Variants in TENM4 observed in about 807,000 individuals in gnomAD.
TENM4 encodes teneurin transmembrane protein 4.
TENM4 carries 82 observed loss-of-function variants against 243.3 expected under a neutral mutation model. The observed-to-expected ratio is 0.34, with a 90% CI of 0.28 to 0.40. TENM4 has a LOEUF of 0.40. Ranked by LOEUF, TENM4 falls within the 10% of genes least tolerant of loss-of-function variation. The probability of loss-of-function intolerance (pLI) is 1.00; values close to 1 mark genes in which losing one functional copy is unlikely to be tolerated. For missense variants in TENM4, 3,138 were observed against 3,673.3 expected, an observed-to-expected ratio of 0.85 and a Z score of 3.77; for synonymous variants, 1,412 against 1,456.3, an observed-to-expected ratio of 0.97 and a Z score of 0.69.
At chr11:79,059,355 A>G (rs1462218249) in intron 6 of TENM4, among the ~76,000 whole-genome samples, 5 of 152,178 alleles carry the variant, frequency 3.3e-5, no homozygotes, top group Non-Finnish European at 5.9e-5. Context: ...AAATCCTACT[A>G]GGCTTTCAAG....
At chr11:79,117,853 A>G (rs1378824492) in intron 4 of TENM4, among the ~76,000 whole-genome samples, 3 of 152,148 alleles carry the variant, frequency 2.0e-5, no homozygotes, top group African/African-American at 7.2e-5. Flanking sequence ...GAATGGAATA[A>G]CTCCTAATTA....
chr11:78,812,521 A>G (rs1469425685), intron 13 of TENM4, among the ~76,000 whole-genome samples: 1 of 152,218 alleles, frequency 6.6e-6, no homozygotes, highest in Non-Finnish European at 1.5e-5. Flanking sequence ...GATAGTGCAC[A>G]GTGCAGGGCC....
At chr11:78,717,724 T>C (rs1859554762) in intron 25 of TENM4, among the ~76,000 whole-genome samples, 1 of 152,252 alleles carries the variant, frequency 6.6e-6, no homozygotes, top group African/African-American at 2.4e-5. Flanking sequence ...GTGGAAACAC[T>C]AAGTATGTCA....
intron 6 of TENM4, among the ~76,000 whole-genome samples, chr11:78,935,453 T>C (rs192081067): frequency 8.5e-4 from 130 of 152,366 alleles, no homozygotes; most frequent in African/African-American, 3.1e-3. Context: ...AGATAGGTTA[T>C]TGTACTCTGC....
chr11:79,279,664 C>T (rs959430457), intron 2 of TENM4, among the ~76,000 whole-genome samples: 1 of 152,176 alleles, frequency 6.6e-6, no homozygotes, highest in African/African-American at 2.4e-5. Flanking sequence ...ATTCCTGTTC[C>T]ACTGAGCCTC....
intron 1 of TENM4, among the ~76,000 whole-genome samples, chr11:79,380,055 G>A (rs996536361): frequency 1.3e-5 from 2 of 152,156 alleles, no homozygotes; most frequent in Admixed American, 1.3e-4. Flanking sequence ...GGCTGGTGGG[G>A]CAGAGAGAAG....
At chr11:79,094,455 G>A (rs1023610572) in intron 4 of TENM4, among the ~76,000 whole-genome samples, 1 of 152,128 alleles carries the variant, frequency 6.6e-6, no homozygotes, top group Non-Finnish European at 1.5e-5. Context: ...ATCTGACTCC[G>A]AGCCCATATT....
At chr11:79,099,269 C>CA (rs1470112690) in intron 4 of TENM4, among the ~76,000 whole-genome samples, 1 of 152,030 alleles carries the variant, frequency 6.6e-6, no homozygotes, top group Non-Finnish European at 1.5e-5. Flanking sequence ...GGATCTAGCC[C>CA]CAGTGCCTTT....
Position 78,891,142 on chromosome 11 carries a change from C to T in TENM4, c.848+96G>A, listed in dbSNP as rs1317658754. 21 of 1,152,818 alleles carry T rather than the reference C, an allele frequency of 1.8e-5. No homozygotes were observed. The East Asian group carries it at 5.2e-4, about 29-fold the overall frequency. The allele number at this position is 1,152,818 out of a possible 1,614,324, so 71.4% of individuals were successfully genotyped here. On this transcript the variant is annotated intron_variant, in intron 8 of 33. Transcript: ENST00000278550. ...TGAGCATGCCACATGGATCACCTCCCCCAGAAGATCCCAGGGAAAGGTCTC... is the reference window on the plus strand; with the variant it reads ...TGAGCATGCCACATGGATCACCTCCTCCAGAAGATCCCAGGGAAAGGTCTC...
intron 6 of TENM4, among the ~76,000 whole-genome samples, chr11:78,940,620 C>G (rs1049655462): frequency 1.3e-5 from 2 of 152,202 alleles, no homozygotes; most frequent in Non-Finnish European, 2.9e-5. Flanking sequence ...ATTCTCCATC[C>G]CATTAACATT....
intron 9 of TENM4, among the ~76,000 whole-genome samples, chr11:78,865,807 G>C (rs932847352): frequency 3.3e-5 from 5 of 152,210 alleles, no homozygotes; most frequent in African/African-American, 1.2e-4. Flanking sequence ...TGTGGGACCA[G>C]AGGAAAGAAA....
intron 2 of TENM4, 133 bp downstream of exon 2, chr11:79,297,355 A>C (rs1203575893): frequency 6.6e-6 from 1 of 152,568 alleles, no homozygotes; most frequent in Non-Finnish European, 1.5e-5. Flanking sequence ...TTATTTACTG[A>C]CTCGTGCAAT....
At chr11:78,951,878 A>C (rs1857115431) in intron 6 of TENM4, among the ~76,000 whole-genome samples, 1 of 152,172 alleles carries the variant, frequency 6.6e-6, no homozygotes, top group Non-Finnish European at 1.5e-5. Context: ...TAGATACATA[A>C]AAGTAAAGTT....
intron 1 of TENM4, among the ~76,000 whole-genome samples, chr11:79,421,276 G>A (rs1361162346): frequency 6.6e-6 from 1 of 151,958 alleles, no homozygotes; most frequent in Non-Finnish European, 1.5e-5. Flanking sequence ...AAAAAGGTAG[G>A]GCCACTTTCA....
intron 9 of TENM4, among the ~76,000 whole-genome samples, chr11:78,881,883 C>T (rs1046401726): frequency 1.3e-5 from 2 of 152,232 alleles, no homozygotes; most frequent in African/African-American, 4.8e-5. Flanking sequence ...AGATATCTGT[C>T]TGTGGCCTGT....
chr11:79,064,887 G>T lies in TENM4; in HGVS notation c.344C>A (p.Ala115Asp). Residue 115 changes from alanine (A) to aspartate (D), a missense_variant, in exon 6 of 34, where the codon GCC (alanine) becomes GAC (aspartate). Physicochemically the swap from Ala to Asp is moderately radical, Grantham distance 126. Around this residue, in one of 2 missense-constraint regions of TENM4, gnomAD observed 671 missense variants for 614.1 expected, o/e 1.09. Coordinates refer to ENST00000278550, the MANE Select transcript of TENM4 (RefSeq NM_001098816.3). ...CGYSMGAGSDADMEADTVLSP... is the reference protein window; with the variant it reads ...CGYSMGAGSDDDMEADTVLSP... ...CAGCACCGTGTCAGCCTCCATGTCGGCATCAGAGCCAGCCCCCATGGAGTA... is the reference window on the plus strand; with the variant it reads ...CAGCACCGTGTCAGCCTCCATGTCGTCATCAGAGCCAGCCCCCATGGAGTA... The T allele has an allele frequency of 6.5e-7, 1 of 1,550,018 alleles. No homozygotes were observed. Among genetic ancestry groups the T allele is most frequent in the Non-Finnish European group, 8.7e-7 (1 of 1,145,988 alleles).
chr11:78,735,203 C>T (rs1006562777), intron 20 of TENM4, among the ~76,000 whole-genome samples: 1 of 152,208 alleles, frequency 6.6e-6, no homozygotes, highest in African/African-American at 2.4e-5. Context: ...ACCCGTTTGC[C>T]TGTTCCTCAT....
intron 6 of TENM4, among the ~76,000 whole-genome samples, chr11:78,969,858 A>G (rs1273853295): frequency 6.6e-6 from 1 of 152,236 alleles, no homozygotes; most frequent in African/African-American, 2.4e-5. Context: ...ACACACAGCC[A>G]TTACTCAATA....
At chr11:78,774,796 C>G (rs1186544778) in intron 17 of TENM4, among the ~76,000 whole-genome samples, 1 of 152,152 alleles carries the variant, frequency 6.6e-6, no homozygotes. Context: ...AAAACAACGT[C>G]AAGTTAGTTG....
Sources: allele counts gnomAD v4.1 joint callset (sites outside exome capture counted in the v4.1 genomes callset), GRCh38; gene constraint gnomAD v4.1.1; regional missense constraint gnomAD v4.1.1; transcripts MANE v1.5; gene names NCBI Gene and HGNC (gene_info 2026-07-23, HGNC 2026-07-21).